Variants in CRYBB1 observed in about 807,000 individuals in gnomAD.
CRYBB1 encodes crystallin beta B1.
CRYBB1 carries 16 observed loss-of-function variants against 29.5 expected under a neutral mutation model. The ratio of observed to expected loss-of-function variants is 0.54; its 90% CI spans 0.37 to 0.82. The LOEUF (loss-of-function observed/expected upper bound fraction) is 0.82. Ranked by LOEUF, CRYBB1 falls within the 40% of genes least tolerant of loss-of-function variation. The pLI is 0.00. For synonymous variants in CRYBB1, 127 were observed against 136.7 expected, an observed-to-expected ratio of 0.93 and a Z score of 0.49; for missense variants, 300 against 350.5, an observed-to-expected ratio of 0.86 and a Z score of 1.15.
chr22:26,613,728 T>C (rs560153937), intron 2 of CRYBB1, among the ~76,000 whole-genome samples: 2 of 152,252 alleles, frequency 1.3e-5, no homozygotes, highest in Non-Finnish European at 2.9e-5. Flanking sequence ...CAATATGAAA[T>C]GTGGGCACCT....
chr22:26,617,725 C>T (rs1469571634), intron 1 of CRYBB1, among the ~76,000 whole-genome samples: 1 of 152,032 alleles, frequency 6.6e-6, no homozygotes, highest in East Asian at 1.9e-4. Flanking sequence ...CACTATCTCT[C>T]CCTCATTGTA....
chr22:26,611,398 C>T (rs970068221), intron 3 of CRYBB1, among the ~76,000 whole-genome samples: 11 of 151,908 alleles, frequency 7.2e-5, no homozygotes, highest in African/African-American at 2.2e-4. Context: ...GAGGGGACAG[C>T]GAGTGGACAC....
intron 3 of CRYBB1, among the ~76,000 whole-genome samples, chr22:26,611,515 C>G (rs565917779): frequency 6.6e-6 from 1 of 150,532 alleles, no homozygotes. Context: ...TCGCCCAGGC[C>G]GGACTGCAGA....
chr22:26,603,290 G>A (rs909964222), intron 4 of CRYBB1, among the ~76,000 whole-genome samples: 1 of 152,112 alleles, frequency 6.6e-6, no homozygotes, highest in African/African-American at 2.4e-5. Flanking sequence ...AGCACTTTGG[G>A]AGGCCGAGAC....
intron 5 of CRYBB1, 88 bp from the exon 6 acceptor site, chr22:26,599,761 T>G (rs1928764218): frequency 3.0e-6 from 3 of 1,011,658 alleles, no homozygotes; most frequent in Non-Finnish European, 4.7e-6. Context: ...TGTCCTTCAT[T>G]GATCCCTGCA....
intron 3 of CRYBB1, among the ~76,000 whole-genome samples, chr22:26,610,183 G>A (rs1317341130): frequency 6.6e-5 from 10 of 152,160 alleles, no homozygotes; most frequent in Non-Finnish European, 1.5e-4. Context: ...AGAGAGGGTA[G>A]GGCAGGAATT....
chr22:26,612,964 G>A, intron 2 of CRYBB1, among the ~76,000 whole-genome samples: 1 of 152,228 alleles, frequency 6.6e-6, no homozygotes, highest in African/African-American at 2.4e-5. Context: ...AGTCACTGCT[G>A]TTTTGCTTTG....
rs117962500 is a variant in CRYBB1 at position 26,602,199 on chromosome 22, C to T, written c.433-178G>A. Among the ~76,000 whole-genome samples the T allele has an allele frequency of 4.8e-3, 733 of 152,252 alleles. 3 individuals are homozygous for T. The highest frequency in any genetic ancestry group is 0.02 in the Middle Eastern group (6 of 294). On this transcript the variant is annotated intron_variant, in intron 4 of 5. Coordinates refer to ENST00000647684, the MANE Select transcript of CRYBB1 (RefSeq NM_001887.4). ...AGACATAAGGAAAATGGGATGACAA[C>T]TCCCACGTCATAGGGTCCTCGTGAG...
At position 26,616,288 on chromosome 22, in the gene CRYBB1, G is replaced by C; in HGVS notation, c.32C>G (p.Ala11Gly). 6.2e-7 allele frequency: 1 copy of C among 1,613,958 alleles called. No individual in the cohort carries two copies. Among genetic ancestry groups the C allele is most frequent in the Non-Finnish European group, 8.5e-7 (1 of 1,179,948 alleles). MSQAAKASAS[A>G]TVAVNPGPDT... The stretch of plus-strand genomic sequence containing the variant: ...AGGCCCTGGGTTCACCGCCACTGTG[G>C]CCGAGGCCGAGGCCTTTGCAGCCTG... The change falls in exon 2 of 6, where the codon GCC becomes GGC. Residue 11 changes from alanine to glycine, a missense_variant. By Grantham distance (60) the Ala-to-Gly change is moderately conservative. Coordinates refer to ENST00000647684, the MANE Select transcript of CRYBB1 (RefSeq NM_001887.4).
intron 3 of CRYBB1, among the ~76,000 whole-genome samples, chr22:26,608,422 C>CT (rs57393747): frequency 0.18 from 27,027 of 152,108 alleles, 3,147 homozygotes; most frequent in South Asian, 0.38. Context: ...GAGAAAGGCT[C>CT]GTTTGATGTT....
chr22:26,608,825 G>A (rs995272163), intron 3 of CRYBB1, among the ~76,000 whole-genome samples: 1 of 152,170 alleles, frequency 6.6e-6, no homozygotes, highest in East Asian at 1.9e-4. Flanking sequence ...GGAAGGGAAT[G>A]ATGGTAATAT....
chr22:26,607,828 G>A (rs1929029595), intron 4 of CRYBB1, 61 bp downstream of exon 4: 11 of 1,611,774 alleles, frequency 6.8e-6, no homozygotes, highest in Non-Finnish European at 8.5e-6. Context: ...TCAGATCTCA[G>A]ACTTACACCT....
At chr22:26,611,013 A>G (rs1929139761) in intron 3 of CRYBB1, among the ~76,000 whole-genome samples, 1 of 152,188 alleles carries the variant, frequency 6.6e-6, no homozygotes, top group Non-Finnish European at 1.5e-5. Context: ...CCCTGACCTC[A>G]GCACACACAG....
chr22:26,609,037 C>T (rs1361630247), intron 3 of CRYBB1, among the ~76,000 whole-genome samples: 1 of 152,068 alleles, frequency 6.6e-6, no homozygotes, highest in Non-Finnish European at 1.5e-5. Flanking sequence ...AAGACAATCC[C>T]CATTCCGTAG....
At chr22:26,616,728 C>T (rs1929368620) in intron 1 of CRYBB1, among the ~76,000 whole-genome samples, 1 of 152,208 alleles carries the variant, frequency 6.6e-6, no homozygotes, top group Non-Finnish European at 1.5e-5. Flanking sequence ...TAAGGTGTGC[C>T]AGGCACTGTG....
At chr22:26,603,736 T>G (rs1201025699) in intron 4 of CRYBB1, among the ~76,000 whole-genome samples, 1 of 144,192 alleles carries the variant, frequency 6.9e-6, no homozygotes, top group East Asian at 2.1e-4. Context: ...AAACCCCATC[T>G]CTACTAAAAA....
At position 26,612,056 on chromosome 22, in the gene CRYBB1, G is replaced by A. The variant is rs57400078; in HGVS notation, c.299+16C>T. The A allele has an allele frequency of 1.2e-4, 183 of 1,581,020 alleles. No homozygotes were observed. The highest frequency in any genetic ancestry group is 1.6e-4 in the Non-Finnish European group (181 of 1,150,724). On this transcript the variant is annotated intron_variant, in intron 3 of 5. Transcript: ENST00000647684. The stretch of plus-strand genomic sequence containing the variant: ...ACTGTGGCAGAGAGTGTGCCCCTCC[G>A]CCGCCCAGTACTCACGGTCCCGCGG...
intron 2 of CRYBB1, among the ~76,000 whole-genome samples, chr22:26,615,523 T>C (rs983493675): frequency 7.3e-6 from 1 of 136,604 alleles, no homozygotes; most frequent in Admixed American, 7.3e-5. Context: ...TATTCTTTTC[T>C]TTTTTTTTTT....
chr22:26,611,870 C>T (rs1481824655), intron 3 of CRYBB1, among the ~76,000 whole-genome samples: 1 of 152,152 alleles, frequency 6.6e-6, no homozygotes, highest in Admixed American at 6.5e-5. Context: ...GATCACCTCT[C>T]CGAGCCTCAG....
Sources: allele counts gnomAD v4.1 joint callset (sites outside exome capture counted in the v4.1 genomes callset), GRCh38; gene constraint gnomAD v4.1.1; transcripts MANE v1.5; gene names NCBI Gene and HGNC (gene_info 2026-07-23, HGNC 2026-07-21).